RSPRY1: variants seen among roughly 807,000 people sequenced by gnomAD.
RSPRY1 encodes ring finger and SPRY domain containing 1.
In RSPRY1, 23 loss-of-function variants were observed where a neutral mutation model predicts 73.1. That is an observed-to-expected ratio of 0.31 (90% CI 0.23 to 0.45). The LOEUF is 0.45. Among genes scored for constraint, RSPRY1 ranks in the 20% least tolerant of loss-of-function variants. The pLI is 1.00. For synonymous variants in RSPRY1, 226 were observed against 251.4 expected (o/e 0.90, Z 0.95); for missense variants, 448 against 698.7 (o/e 0.64, Z 4.05).
At chr16:57,190,128 G>A (rs1317406514) in intron 1 of RSPRY1, among the ~76,000 whole-genome samples, 1 of 152,062 alleles carries the variant, frequency 6.6e-6, no homozygotes. Flanking sequence ...AACACTTTGG[G>A]CGGCCAAGGC....
At chr16:57,208,717 C>T (rs1215188589) in intron 3 of RSPRY1, among the ~76,000 whole-genome samples, 4 of 152,016 alleles carry the variant, frequency 2.6e-5, no homozygotes, top group Admixed American at 2.0e-4. Context: ...TTTTTTGTTC[C>T]TTAGTTTCCT....
In RSPRY1 at chr16:57,230,932, A is replaced by T. The variant is rs192901465; in HGVS notation, c.1376+119A>T. 1.1e-4 allele frequency: 82 copies of T among 722,960 alleles called. No individual in the cohort carries two copies. The East Asian group carries it at 1.9e-3, about 17-fold the overall frequency. 44.8% of individuals were successfully genotyped at this position (722,960 alleles called of 1,614,324 possible). ...TTGTGATGAGAAATTGATTAATTTCAAGTGATTGGGAACCCATTTGATCAG... is the reference window on the plus strand; with the variant it reads ...TTGTGATGAGAAATTGATTAATTTCTAGTGATTGGGAACCCATTTGATCAG... On this transcript the variant is annotated intron_variant, in intron 12 of 14. Coordinates refer to ENST00000394420, the MANE Select transcript of RSPRY1 (RefSeq NM_133368.3).
At chr16:57,187,511 A>G (rs1240077230) in intron 1 of RSPRY1, among the ~76,000 whole-genome samples, 2 of 152,082 alleles carry the variant, frequency 1.3e-5, no homozygotes, top group Admixed American at 6.5e-5. Flanking sequence ...TGCTTAGTGG[A>G]GTGACTTAAC....
At chr16:57,204,111 TTC>T (rs2074678394) in intron 1 of RSPRY1, among the ~76,000 whole-genome samples, 1 of 152,204 alleles carries the variant, frequency 6.6e-6, no homozygotes. Flanking sequence ...TTAAAGATTT[TTC>T]TCTTTTTAAC....
At chr16:57,212,629 C>G (rs1462210746) in intron 4 of RSPRY1, among the ~76,000 whole-genome samples, 1 of 151,918 alleles carries the variant, frequency 6.6e-6, no homozygotes, top group Non-Finnish European at 1.5e-5. Flanking sequence ...CCCCCCACCC[C>G]CCTGAGACGG....
At position 57,240,307 on chromosome 16, in the gene RSPRY1, A is replaced by AT. The variant is rs199798795; in HGVS notation, c.*1339dup. 6.6e-6 allele frequency: 1 copy of AT among 150,770 alleles called. No individual in the cohort carries two copies. The highest frequency in any genetic ancestry group is 1.5e-5 in the Non-Finnish European group (1 of 67,790). 9.3% of individuals were successfully genotyped at this position (150,770 alleles called of 1,614,324 possible). Reference sequence around the variant, plus strand: ...CTGGCTGTACATGTTGGGGTGCTGGATTTTTTTCCGTGTCTTTAGTCTTCC... The same window carrying AT: ...CTGGCTGTACATGTTGGGGTGCTGGATTTTTTTTCCGTGTCTTTAGTCTTCC... On this transcript the variant is annotated 3_prime_UTR_variant, in exon 15 of 15. Coordinates refer to ENST00000394420, the MANE Select transcript of RSPRY1 (RefSeq NM_133368.3).
chr16:57,221,201 C>T, intron 9 of RSPRY1, 71 bp from the exon 10 acceptor site: 1 of 1,559,588 alleles, frequency 6.4e-7, no homozygotes, highest in South Asian at 1.2e-5. Context: ...ACTCAACCTT[C>T]CCAGTAGTCA....
intron 8 of RSPRY1, among the ~76,000 whole-genome samples, chr16:57,219,242 C>CTCCATAGT (rs2074995943): frequency 6.6e-6 from 1 of 152,172 alleles, no homozygotes; most frequent in Non-Finnish European, 1.5e-5. Flanking sequence ...CCATACTGTT[C>CTCCATAGT]TCCATAGTGG....
chr16:57,208,914 C>T (rs1465353237), intron 3 of RSPRY1, among the ~76,000 whole-genome samples, 161 bp from the exon 4 acceptor site: 3 of 152,134 alleles, frequency 2.0e-5, no homozygotes, highest in Non-Finnish European at 4.4e-5. Flanking sequence ...TTTACTCCAC[C>T]ACGATGACTA....
At chr16:57,207,765 T>A in intron 2 of RSPRY1, 1 of 498,060 alleles carries the variant, frequency 2.0e-6, no homozygotes, top group Non-Finnish European at 3.9e-6. Flanking sequence ...GAGAGTAGGC[T>A]GTGATCTCCA....
chr16:57,225,916 TAAA>T (rs1159675856), intron 10 of RSPRY1, among the ~76,000 whole-genome samples: 1 of 152,108 alleles, frequency 6.6e-6, no homozygotes, highest in Non-Finnish European at 1.5e-5. Context: ...CCGTCCCTAC[TAAA>T]AATACAAAAT....
At chr16:57,206,276 C>T (rs1010852970) in intron 2 of RSPRY1, among the ~76,000 whole-genome samples, 2 of 152,088 alleles carry the variant, frequency 1.3e-5, no homozygotes, top group African/African-American at 2.4e-5. Flanking sequence ...TACAGTGGCA[C>T]TTGCCTGTGA....
At chr16:57,207,028 T>G (rs1199155635) in intron 2 of RSPRY1, among the ~76,000 whole-genome samples, 1 of 152,268 alleles carries the variant, frequency 6.6e-6, no homozygotes, top group Non-Finnish European at 1.5e-5. Context: ...TGTTACATTT[T>G]CATCTGGTGA....
chr16:57,230,005 CTT>C (rs544045998), intron 11 of RSPRY1, among the ~76,000 whole-genome samples: 3 of 44,950 alleles, frequency 6.7e-5, no homozygotes, highest in South Asian at 1.4e-3. Flanking sequence ...ACGCCCTGCC[CTT>C]TTTTTTTTTT....
At chr16:57,211,280 A>G (rs528119304) in intron 4 of RSPRY1, among the ~76,000 whole-genome samples, 7 of 151,702 alleles carry the variant, frequency 4.6e-5, no homozygotes, top group African/African-American at 1.5e-4. Flanking sequence ...AAAAAAAAAA[A>G]AAAAGAAAGC....
At chr16:57,210,724 A>C (rs2074825536) in intron 4 of RSPRY1, among the ~76,000 whole-genome samples, 1 of 151,364 alleles carries the variant, frequency 6.6e-6, no homozygotes, top group South Asian at 2.1e-4. Flanking sequence ...AAAAAAAAAA[A>C]AGAAGCATTT....
Position 57,236,830 on chromosome 16 carries a change from C to G in RSPRY1, c.1634+1602C>G, listed in dbSNP as rs143190122. Among the ~76,000 whole-genome samples the G allele has an allele frequency of 1.8e-3, 274 of 152,216 alleles. 2 individuals carry two copies. Among genetic ancestry groups the G allele is most frequent in the African/African-American group, 6.2e-3 (259 of 41,524 alleles). On this transcript the variant is annotated intron_variant, in intron 14 of 14. Coordinates refer to ENST00000394420, the MANE Select transcript of RSPRY1 (RefSeq NM_133368.3). ...TAGAAAGTAAGACCTAGCAACGCAA[C>G]TGGCAGGGGGAGTTATCTTAGGAAT...
rs1227083792 is a variant in RSPRY1, at chr16:57,229,706, T to C, written c.1274-1005T>C. Among the ~76,000 whole-genome samples the C allele has an allele frequency of 2.7e-5, 3 of 109,428 alleles. No homozygotes were observed. The East Asian group carries it at 8.1e-4, about 29-fold the overall frequency. The allele number at this position is 109,428 out of a possible 152,430, so 71.8% of individuals were successfully genotyped here. A position where few individuals can be genotyped will look rare whatever the true frequency, so the allele number is the denominator to read the frequency against. On this transcript the variant is annotated intron_variant, in intron 11 of 14. Coordinates refer to ENST00000394420, the MANE Select transcript of RSPRY1 (RefSeq NM_133368.3). Reference sequence around the variant, plus strand: ...AGATAAATGCTTTTTTTTTTTTTTTTTTTTTTTTTTTTTTTTTGAGATGCA... The same window carrying C: ...AGATAAATGCTTTTTTTTTTTTTTTCTTTTTTTTTTTTTTTTTGAGATGCA...
chr16:57,233,325 C>G (rs1278250787), intron 13 of RSPRY1, among the ~76,000 whole-genome samples: 2 of 152,170 alleles, frequency 1.3e-5, no homozygotes, highest in Admixed American at 1.3e-4. Flanking sequence ...AAGTCATCCA[C>G]TCACAGCCAC....
Sources: allele counts gnomAD v4.1 joint callset (sites outside exome capture counted in the v4.1 genomes callset), GRCh38; gene constraint gnomAD v4.1.1; transcripts MANE v1.5; gene names NCBI Gene and HGNC (gene_info 2026-07-23, HGNC 2026-07-21).